The following ZNF423 variants were observed in gnomAD, a reference collection of about 807,000 sequenced individuals.
ZNF423 encodes Ebf-associated zinc finger protein.
ZNF423 carries 12 observed loss-of-function variants against 95.8 expected under a neutral mutation model. The observed-to-expected ratio is 0.13, with a 90% CI of 0.08 to 0.20. ZNF423 has a LOEUF of 0.20. Among genes scored for constraint, ZNF423 ranks in the 10% least tolerant of loss-of-function variants. The probability of loss-of-function intolerance (pLI) is 1.00; values close to 1 mark genes in which losing one functional copy is unlikely to be tolerated. For missense variants in ZNF423, 1,316 were observed against 1,737.1 expected (o/e 0.76, Z 4.31); for synonymous variants, 749 against 711.9 (o/e 1.05, Z -0.83).
At chr16:49,699,676 C>A (rs1214947468) in intron 3 of ZNF423, among the ~76,000 whole-genome samples, 1 of 152,114 alleles carries the variant, frequency 6.6e-6, no homozygotes, top group Non-Finnish European at 1.5e-5. Context: ...TTCTATTGTC[C>A]GGCTTTTAGT....
At chr16:49,677,953 C>A (rs559255278) in intron 3 of ZNF423, among the ~76,000 whole-genome samples, 1 of 151,970 alleles carries the variant, frequency 6.6e-6, no homozygotes, top group African/African-American at 2.4e-5. Flanking sequence ...GAGGCCGAGG[C>A]GGGTAGATCA....
At chr16:49,715,404 A>G (rs1567307218) in intron 3 of ZNF423, among the ~76,000 whole-genome samples, 2 of 152,146 alleles carry the variant, frequency 1.3e-5, no homozygotes, top group Non-Finnish European at 2.9e-5. Flanking sequence ...CAGGTGGTGC[A>G]AAGGCCCTGC....
At chr16:49,816,829 T>C (rs1189505078) in intron 1 of ZNF423, among the ~76,000 whole-genome samples, 1 of 152,052 alleles carries the variant, frequency 6.6e-6, no homozygotes, top group African/African-American at 2.4e-5. Context: ...TGTCTTAGTC[T>C]AGAGGAGAGG....
intron 4 of ZNF423, among the ~76,000 whole-genome samples, chr16:49,634,771 C>A (rs1304649586): frequency 1.3e-5 from 2 of 152,146 alleles, no homozygotes; most frequent in East Asian, 1.9e-4. Flanking sequence ...CACCCAAGGG[C>A]CACACAGACT....
chr16:49,848,891 C>G lies in ZNF423; in HGVS notation c.40+6844G>C, dbSNP rs540061321. On this transcript the variant is annotated intron_variant, in intron 1 of 7. Coordinates refer to ENST00000563137, the MANE Select transcript of ZNF423 (RefSeq NM_001379286.1). The stretch of plus-strand genomic sequence containing the variant: ...CAGGCAGGAGGATGCTCCAACAACC[C>G]GCAGCTCGAAGGTCACTGCTTCTTG... Among the ~76,000 whole-genome samples the G allele has an allele frequency of 2.6e-5, 4 of 152,084 alleles. No individual in the cohort carries two copies. The South Asian group carries it at 8.3e-4, about 32-fold the overall frequency.
intron 7 of ZNF423, among the ~76,000 whole-genome samples, chr16:49,494,632 G>C (rs1967089204): frequency 6.6e-6 from 1 of 152,204 alleles, no homozygotes; most frequent in Admixed American, 6.5e-5. Context: ...GAGCCCAGAG[G>C]TGCCCAGGTG....
rs545977248 is a variant in ZNF423 at position 49,855,511 on chromosome 16, TCCGCCGCCGCCGCCGCCG to T, written c.40+206_40+223del. ...GGGAGGGTGTCCGCGGCGTACCCCC[TCCGCCGCCGCCGCCGCCG>T]CCGCCGCCTCCGCCTCCTGCTCCCG... On this transcript the variant is annotated intron_variant, in intron 1 of 7. Coordinates refer to ENST00000563137, the MANE Select transcript of ZNF423 (RefSeq NM_001379286.1). The surrounding 1 kb of genome is among the most constrained non-coding windows in gnomAD (Gnocchi z 4.7). Among the ~76,000 whole-genome samples, 1 of 143,842 alleles carries T rather than the reference TCCGCCGCCGCCGCCGCCG, an allele frequency of 7.0e-6. No homozygotes were observed. Among genetic ancestry groups the T allele is most frequent in the African/African-American group, 2.6e-5 (1 of 37,942 alleles). The allele number at this position is 143,842 out of a possible 152,430, so 94.4% of individuals were successfully genotyped here. A position where few individuals can be genotyped will look rare whatever the true frequency, so the allele number is the denominator to read the frequency against.
intron 4 of ZNF423, among the ~76,000 whole-genome samples, chr16:49,626,822 A>G (rs1197243582): frequency 1.4e-5 from 2 of 137,984 alleles, no homozygotes; most frequent in East Asian, 4.6e-4. Context: ...ATCCATCTAC[A>G]TATACACCCA....
chr16:49,858,717 G>GCCCCCCCCCCCCC (rs35734564), upstream of ZNF423, among the ~76,000 whole-genome samples: 1 of 132,882 alleles, frequency 7.5e-6, no homozygotes, highest in Non-Finnish European at 1.7e-5. The surrounding 1 kb of genome is among the most constrained non-coding windows in gnomAD (Gnocchi z 4.3). Flanking sequence ...GGGAATAGGA[G>GCCCCCCCCCCCCC]CCCCCCCCCC....
chr16:49,622,138 A>G lies in ZNF423; in HGVS notation c.3601+4032T>C, dbSNP rs1972103899. ...GGGAATGCATGCCTTGCCTACATAC[A>G]GGAAACTGCTGCTGCTGCTAAGTCA... On this transcript the variant is annotated intron_variant, in intron 5 of 7. Coordinates refer to ENST00000563137, the MANE Select transcript of ZNF423 (RefSeq NM_001379286.1). Among the ~76,000 whole-genome samples, 3 of 152,160 alleles carry G rather than the reference A, an allele frequency of 2.0e-5. No homozygotes were observed. The South Asian group carries it at 6.2e-4, about 32-fold the overall frequency.
rs765544201 is a variant in ZNF423, at chr16:49,638,108, G to A, written c.1068C>T (p.Pro356=). 1.9e-5 allele frequency: 30 copies of A among 1,613,276 alleles called. No individual in the cohort carries two copies. Among genetic ancestry groups the A allele is most frequent in the East Asian group, 1.1e-4 (5 of 44,880 alleles). Residue 356 remains proline (P), a synonymous_variant, in exon 4 of 8, where the codon CCC becomes CCT. Coordinates refer to ENST00000563137, the MANE Select transcript of ZNF423 (RefSeq NM_001379286.1). The surrounding 1 kb of genome is among the most constrained non-coding windows in gnomAD (Gnocchi z 5.6). ...GACTGACACTGTGGTTGCTGGAGTCGGGCTGCCGGTGGCTGTCCAGGTGGC... is the reference window on the plus strand; with the variant it reads ...GACTGACACTGTGGTTGCTGGAGTCAGGCTGCCGGTGGCTGTCCAGGTGGC... ...VYCHLDSHRQ[P]DSSNHSVSPD...
intron 3 of ZNF423, among the ~76,000 whole-genome samples, chr16:49,724,408 C>G (rs1040019587): frequency 3.3e-5 from 5 of 152,008 alleles, no homozygotes; most frequent in Non-Finnish European, 7.4e-5. Context: ...GACACCAAGG[C>G]CCCGAGTGCA....
At chr16:49,810,717 G>A (rs1226517331) in intron 1 of ZNF423, among the ~76,000 whole-genome samples, 1 of 152,216 alleles carries the variant, frequency 6.6e-6, no homozygotes, top group African/African-American at 2.4e-5. Flanking sequence ...AAATACAGGT[G>A]AGTACTCAGG....
intron 5 of ZNF423, among the ~76,000 whole-genome samples, chr16:49,527,861 C>A (rs1280176959): frequency 5.9e-5 from 9 of 152,082 alleles, no homozygotes; most frequent in Non-Finnish European, 1.3e-4. Context: ...ACTTGTACCC[C>A]TCATTGTACA....
intron 5 of ZNF423, among the ~76,000 whole-genome samples, chr16:49,560,418 C>T (rs1457825863): frequency 6.6e-6 from 1 of 152,250 alleles, no homozygotes; most frequent in African/African-American, 2.4e-5. Flanking sequence ...TCCAACAATT[C>T]CAATCAGCCA....
rs564793947 is a variant in ZNF423, at chr16:49,678,140, G to A, written c.302-39266C>T. Among the ~76,000 whole-genome samples the A allele has an allele frequency of 3.9e-5, 6 of 152,008 alleles. No homozygotes were observed. The East Asian group carries it at 9.7e-4, about 25-fold the overall frequency. On this transcript the variant is annotated intron_variant, in intron 3 of 7. Coordinates refer to ENST00000563137, the MANE Select transcript of ZNF423 (RefSeq NM_001379286.1). ...GAAGGTTGCAGTGAGCCAAGATCGC[G>A]CCACTGCACTCCAGCCCGGGTGACA...
intron 5 of ZNF423, among the ~76,000 whole-genome samples, chr16:49,532,443 C>G (rs530975512): frequency 1.2e-4 from 18 of 152,308 alleles, no homozygotes; most frequent in African/African-American, 3.8e-4. Flanking sequence ...TCCTCCTCCC[C>G]CTGGGGGCAC....
At chr16:49,760,647 T>A (rs1003662224) in intron 2 of ZNF423, among the ~76,000 whole-genome samples, 5 of 151,990 alleles carry the variant, frequency 3.3e-5, no homozygotes, top group African/African-American at 1.2e-4. Flanking sequence ...GACAATGTGA[T>A]GAGGGCAAGC....
chr16:49,819,677 G>A (rs550473731), intron 1 of ZNF423, among the ~76,000 whole-genome samples: 3 of 152,230 alleles, frequency 2.0e-5, no homozygotes, highest in East Asian at 1.9e-4. Flanking sequence ...TCAAACTCCT[G>A]ACCTCAGGTG....
Sources: allele counts gnomAD v4.1 joint callset (sites outside exome capture counted in the v4.1 genomes callset), GRCh38; gene constraint gnomAD v4.1.1; non-coding constraint Gnocchi (gnomAD v3.1); transcripts MANE v1.5; gene names NCBI Gene and HGNC (gene_info 2026-07-23, HGNC 2026-07-21).